Variants in RNFT2 observed in about 807,000 individuals in gnomAD.
RNFT2 encodes ring finger protein, transmembrane 2.
A neutral mutation model predicts 53.0 loss-of-function variants in RNFT2; 36 were observed. That is an observed-to-expected ratio of 0.68 (90% CI 0.52 to 0.90). The LOEUF (loss-of-function observed/expected upper bound fraction) is 0.90. RNFT2 is among the 40% of genes least tolerant of loss of function. The pLI is 0.00. For missense variants in RNFT2, 514 were observed against 585.6 expected, an observed-to-expected ratio of 0.88 and a Z score of 1.26; for synonymous variants, 260 against 253.2, an observed-to-expected ratio of 1.03 and a Z score of -0.26.
chr12:116,796,100 G>A lies in RNFT2; in HGVS notation c.882+16752G>A, dbSNP rs571776044. Among the ~76,000 whole-genome samples the A allele has an allele frequency of 2.6e-5, 4 of 152,122 alleles. No homozygotes were observed. In the South Asian group the frequency reaches 8.3e-4, roughly 32 times the overall value. On this transcript the variant is annotated intron_variant, in intron 7 of 10. Coordinates refer to ENST00000257575, the MANE Select transcript of RNFT2 (RefSeq NM_001382266.1). ...ACTTTTGTATTTTTAGTAGAGAAGG[G>A]TTTTCACCATTTTGGCCAGGGTAGT...
chr12:116,767,183 C>T (rs1316305942), intron 6 of RNFT2, among the ~76,000 whole-genome samples: 1 of 152,082 alleles, frequency 6.6e-6, no homozygotes, highest in African/African-American at 2.4e-5. Flanking sequence ...TTTTATTTAA[C>T]CCAGTATATC....
rs34410160 is a variant in RNFT2 at position 116,825,132 on chromosome 12, CT to C, written c.883-8659del. ...GAATGGCCTTCTTAAGGTCCTGTAT[CT>C]GGGGCCTCAGTTCTCACCGTTGGCT... On this transcript the variant is annotated intron_variant, in intron 7 of 10. Transcript: ENST00000257575. 4.6e-3 allele frequency among the ~76,000 whole-genome samples: 699 copies of C among 152,274 alleles called. 4 individuals are homozygous for C. The highest frequency in any genetic ancestry group is 9.9e-3 in the Admixed American group (152 of 15,296).
chr12:116,836,819 A>G (rs1382147145), intron 10 of RNFT2, among the ~76,000 whole-genome samples: 1 of 151,880 alleles, frequency 6.6e-6, no homozygotes, highest in Non-Finnish European at 1.5e-5. Flanking sequence ...AGTCCCAGCT[A>G]CTCTGGAAGC....
chr12:116,818,320 CAA>C (rs11380244), intron 7 of RNFT2, among the ~76,000 whole-genome samples: 8 of 141,070 alleles, frequency 5.7e-5, no homozygotes, highest in African/African-American at 1.1e-4. Context: ...GGCCCTATCT[CAA>C]AAAAAAAAAA....
At chr12:116,819,337 C>T (rs1028618213) in intron 7 of RNFT2, among the ~76,000 whole-genome samples, 8 of 152,190 alleles carry the variant, frequency 5.3e-5, no homozygotes, top group Non-Finnish European at 2.9e-5. Context: ...GGCTCGGGGG[C>T]CTGGTACCGG....
intron 10 of RNFT2, among the ~76,000 whole-genome samples, chr12:116,848,922 G>A (rs1227481626): frequency 6.6e-6 from 1 of 152,050 alleles, no homozygotes; most frequent in East Asian, 1.9e-4. Context: ...GGGTTCAAAC[G>A]ATTCTCTTGC....
At chr12:116,831,317 CTG>C (rs942251297) in intron 7 of RNFT2, among the ~76,000 whole-genome samples, 3 of 152,186 alleles carry the variant, frequency 2.0e-5, no homozygotes, top group African/African-American at 7.2e-5. Context: ...AGAAGTGATA[CTG>C]TGTCTTTTCA....
At chr12:116,760,721 T>C (rs1872662793) in intron 5 of RNFT2, among the ~76,000 whole-genome samples, 1 of 152,104 alleles carries the variant, frequency 6.6e-6, no homozygotes, top group Non-Finnish European at 1.5e-5. Context: ...GCAGTCCGTT[T>C]CCTTCAGAGA....
In RNFT2 at chr12:116,759,892, G is replaced by A. The variant is rs144006862; in HGVS notation, c.627+5832G>A. On this transcript the variant is annotated intron_variant, in intron 5 of 10. Coordinates refer to ENST00000257575, the MANE Select transcript of RNFT2 (RefSeq NM_001382266.1). ...AGCATCAGCTGTGGTAGCGTGGCGA[G>A]GAACCCGTGGAGCTCTAGAACTCTC... Among the ~76,000 whole-genome samples, 39 of 152,282 alleles carry A rather than the reference G, an allele frequency of 2.6e-4. No individual in the cohort carries two copies. The East Asian group carries it at 7.0e-3, about 27-fold the overall frequency.
At chr12:116,745,202 T>C (rs1485388878) in intron 3 of RNFT2, among the ~76,000 whole-genome samples, 1 of 127,742 alleles carries the variant, frequency 7.8e-6, no homozygotes, top group Non-Finnish European at 1.6e-5. Context: ...TGAGATAGAG[T>C]CTCACTGTGT....
chr12:116,829,317 C>G (rs1482229162), intron 7 of RNFT2, among the ~76,000 whole-genome samples: 1 of 152,116 alleles, frequency 6.6e-6, no homozygotes, highest in Non-Finnish European at 1.5e-5. Flanking sequence ...ACGGCCACCC[C>G]CTACATCTCT....
chr12:116,829,680 C>T (rs890561095), intron 7 of RNFT2, among the ~76,000 whole-genome samples: 9 of 152,214 alleles, frequency 5.9e-5, no homozygotes, highest in Non-Finnish European at 1.2e-4. Context: ...CTTCAACCTC[C>T]ACCTCCTGGG....
chr12:116,799,746 C>T (rs1466546952), intron 7 of RNFT2, among the ~76,000 whole-genome samples: 1 of 152,040 alleles, frequency 6.6e-6, no homozygotes, highest in Non-Finnish European at 1.5e-5. Flanking sequence ...CACCTGAGGT[C>T]ACCTCGTGTC....
intron 7 of RNFT2, among the ~76,000 whole-genome samples, chr12:116,793,707 G>A (rs1343017503): frequency 6.6e-6 from 1 of 152,046 alleles, no homozygotes; most frequent in Non-Finnish European, 1.5e-5. Context: ...TGTTTCCATG[G>A]CTGTCTCCTT....
chr12:116,823,293 A>G (rs1876148572), intron 7 of RNFT2, among the ~76,000 whole-genome samples: 1 of 152,236 alleles, frequency 6.6e-6, no homozygotes, highest in Non-Finnish European at 1.5e-5. Context: ...GAGGGAGAGC[A>G]GCTTGCCCAA....
At chr12:116,756,139 T>G (rs1294140432) in intron 5 of RNFT2, among the ~76,000 whole-genome samples, 1 of 152,160 alleles carries the variant, frequency 6.6e-6, no homozygotes, top group Non-Finnish European at 1.5e-5. Flanking sequence ...GCATTGAATT[T>G]GTAGATTGCT....
chr12:116,747,453 G>A (rs578256904), intron 3 of RNFT2, among the ~76,000 whole-genome samples: 2 of 152,106 alleles, frequency 1.3e-5, no homozygotes, highest in African/African-American at 4.8e-5. Context: ...GATCACTTGA[G>A]CCCAGGAGTT....
rs1444510319 is a variant in RNFT2, at chr12:116,849,486, T to G, written c.*38T>G. 6.4e-7 allele frequency: 1 copy of G among 1,555,004 alleles called. No individual in the cohort carries two copies. Among genetic ancestry groups the G allele is most frequent in the South Asian group, 1.2e-5 (1 of 85,954 alleles). ...AGGACACCCAGAAGGACGCCAAGGG[T>G]CAGCATGCCCGGACCCAGCCCTGCG... On this transcript the variant is annotated 3_prime_UTR_variant, in exon 11 of 11. Coordinates refer to ENST00000257575, the MANE Select transcript of RNFT2 (RefSeq NM_001382266.1).
intron 7 of RNFT2, among the ~76,000 whole-genome samples, chr12:116,822,000 A>AT (rs1413026328): frequency 6.6e-6 from 1 of 151,234 alleles, no homozygotes; most frequent in Non-Finnish European, 1.5e-5. Context: ...ACACCAGCTA[A>AT]TTTTTTGTAT....
Sources: gnomAD v4.1 joint callset for allele counts (sites outside exome capture counted in the v4.1 genomes callset) on GRCh38, gnomAD v4.1.1 for gene constraint, MANE v1.5 for transcripts, NCBI Gene and HGNC (gene_info 2026-07-23, HGNC 2026-07-21) for gene names.